MGAT5B: variants seen among roughly 807,000 people sequenced by gnomAD.
MGAT5B encodes alpha-1,6-mannosylglycoprotein 6-beta-N-acetylglucosaminyltransferase B.
Under a neutral mutation model 95.1 loss-of-function variants are expected in MGAT5B, and 54 were observed. That is an observed-to-expected ratio of 0.57 (90% CI 0.46 to 0.71). The LOEUF is 0.71. Ranked by LOEUF, MGAT5B falls within the 30% of genes least tolerant of loss-of-function variation. The pLI is 0.00. For synonymous variants in MGAT5B, 464 were observed against 451.0 expected, an observed-to-expected ratio of 1.03 and a Z score of -0.36; for missense variants, 935 against 1,088.6, an observed-to-expected ratio of 0.86 and a Z score of 1.99.
At chr17:76,882,711 T>C (rs1469393756) in intron 3 of MGAT5B, among the ~76,000 whole-genome samples, 25 of 134,992 alleles carry the variant, frequency 1.9e-4, no homozygotes, top group Non-Finnish European at 3.5e-4. Context: ...GCCCCTTTTT[T>C]TTTTTTTTTT....
At chr17:76,901,110 C>T (rs527494816) in intron 3 of MGAT5B, among the ~76,000 whole-genome samples, 1 of 152,310 alleles carries the variant, frequency 6.6e-6, no homozygotes, top group African/African-American at 2.4e-5. Flanking sequence ...GGCCACTGCC[C>T]TTTCTTTCCT....
chr17:76,933,311 T>C lies in MGAT5B; in HGVS notation c.1428+14T>C. On this transcript the variant is annotated intron_variant, in intron 12 of 17. Transcript: ENST00000569840. ...AGGCAGCTCCAGGTATGGAAACCGC[T>C]TGCCGCCTGCCCCCTCTACCCTCTG... is the stretch of plus-strand genomic sequence containing the variant. 6.3e-7 allele frequency: 1 copy of C among 1,598,268 alleles called. No individual in the cohort carries two copies. The highest frequency in any genetic ancestry group is 8.5e-7 in the Non-Finnish European group (1 of 1,179,726).
At chr17:76,882,728 T>TTG (rs1428309813) in intron 3 of MGAT5B, among the ~76,000 whole-genome samples, 2 of 132,700 alleles carry the variant, frequency 1.5e-5, no homozygotes, top group Non-Finnish European at 3.1e-5. Flanking sequence ...TTTTTTTTTT[T>TTG]GACACAGAGC....
intron 3 of MGAT5B, among the ~76,000 whole-genome samples, chr17:76,900,741 C>T (rs1968273932): frequency 1.3e-5 from 2 of 152,236 alleles, no homozygotes; most frequent in Admixed American, 1.3e-4. Flanking sequence ...GAAATTATTG[C>T]AGTCACCCCA....
Position 76,914,877 on chromosome 17 carries a change from T to A in MGAT5B, c.1025+8690T>A, listed in dbSNP as rs1047409898. 3.9e-5 allele frequency among the ~76,000 whole-genome samples: 6 copies of A among 152,100 alleles called. No homozygotes were observed. Among genetic ancestry groups the A allele is most frequent in the Admixed American group, 6.6e-5 (1 of 15,262 alleles). On this transcript the variant is annotated intron_variant, in intron 8 of 17. Coordinates refer to ENST00000569840, the MANE Select transcript of MGAT5B (RefSeq NM_001199172.2). The surrounding 1 kb of genome is among the most constrained non-coding windows in gnomAD (Gnocchi z 5.1). The stretch of plus-strand genomic sequence containing the variant: ...GGTCTCAAACTCCTGACCTCAGGTG[T>A]TCCACCCACCTCGGCCTCCCAAAGT...
chr17:76,920,419 G>C (rs183992963), intron 8 of MGAT5B, among the ~76,000 whole-genome samples: 3 of 152,206 alleles, frequency 2.0e-5, no homozygotes, highest in Non-Finnish European at 4.4e-5. Context: ...GTCGGGGGAC[G>C]GCATTTTCAA....
chr17:76,923,222 G>T (rs1033189496), intron 8 of MGAT5B, among the ~76,000 whole-genome samples: 2 of 152,194 alleles, frequency 1.3e-5, no homozygotes, highest in Admixed American at 1.3e-4. Context: ...ATGGTTTCAA[G>T]GAGCCCAGAC....
rs1193694130 is a variant in MGAT5B at position 76,938,666 on chromosome 17, C to T, written c.1584+523C>T. 6.6e-6 allele frequency among the ~76,000 whole-genome samples: 1 copy of T among 152,132 alleles called. No individual in the cohort carries two copies. The highest frequency in any genetic ancestry group is 1.5e-5 in the Non-Finnish European group (1 of 68,002). ...CTGAGGCTGGAGAGTCTCCAGCCAG[C>T]TTCTAGGCACCCCCTCACCCTCTTT... On this transcript the variant is annotated intron_variant, in intron 13 of 17. Transcript: ENST00000569840. The surrounding 1 kb of genome is among the most constrained non-coding windows in gnomAD (Gnocchi z 4.3).
rs908174436 is a variant in MGAT5B at position 76,870,214 on chromosome 17, A to G, written c.68+1117A>G. 7.2e-5 allele frequency among the ~76,000 whole-genome samples: 11 copies of G among 152,046 alleles called. No homozygotes were observed. Among genetic ancestry groups the G allele is most frequent in the Non-Finnish European group, 1.3e-4 (9 of 67,984 alleles). On this transcript the variant is annotated intron_variant, in intron 1 of 17. Coordinates refer to ENST00000569840, the MANE Select transcript of MGAT5B (RefSeq NM_001199172.2). This position sits in a 1 kb window ranked among gnomAD's most constrained non-coding sequence, Gnocchi z 5.0. The stretch of plus-strand genomic sequence containing the variant: ...GATGGGGGCGGGGAGACGGTGGCTC[A>G]CCTGGAGCCCGCCTCCCAGCACACC...
intron 8 of MGAT5B, among the ~76,000 whole-genome samples, chr17:76,922,532 G>A (rs1255281063): frequency 6.6e-6 from 1 of 152,230 alleles, no homozygotes; most frequent in Admixed American, 6.5e-5. Flanking sequence ...CTTGCAGAGT[G>A]AATGCAGAAT....
rs549731430 is a variant in MGAT5B at position 76,920,257 on chromosome 17, G to A, written c.1026-4709G>A. Among the ~76,000 whole-genome samples, 325 of 152,260 alleles carry A rather than the reference G, an allele frequency of 2.1e-3. 4 individuals are homozygous for A. Among genetic ancestry groups the A allele is most frequent in the Non-Finnish European group, 9.1e-4 (62 of 68,018 alleles). On this transcript the variant is annotated intron_variant, in intron 8 of 17. Coordinates refer to ENST00000569840, the MANE Select transcript of MGAT5B (RefSeq NM_001199172.2). ...TCCTATCTGTGGGGGCTGCTGAACCGTCCTCTTGACCCAGCCCTTGACTGA... is the reference window on the plus strand; with the variant it reads ...TCCTATCTGTGGGGGCTGCTGAACCATCCTCTTGACCCAGCCCTTGACTGA...
At chr17:76,879,938 G>A (rs1439512915) in intron 2 of MGAT5B, among the ~76,000 whole-genome samples, 1 of 152,222 alleles carries the variant, frequency 6.6e-6, no homozygotes, top group Non-Finnish European at 1.5e-5. Flanking sequence ...TTGAGTGTGT[G>A]AGTGCGTGGG....
Position 76,940,496 on chromosome 17 carries a change from C to T in MGAT5B, c.1679C>T (p.Pro560Leu). 6.2e-7 allele frequency: 1 copy of T among 1,613,874 alleles called. No homozygotes were observed. The highest frequency in any genetic ancestry group is 8.5e-7 in the Non-Finnish European group (1 of 1,179,874). The change falls in exon 14 of 18, where the codon CCC becomes CTC. Residue 560 changes from proline (P) to leucine (L), a missense_variant. By Grantham distance (98) the Pro-to-Leu change is moderately conservative. Around this residue, in one of 4 missense-constraint regions of MGAT5B, gnomAD observed 440 missense variants for 523.6 expected, o/e 0.84. Transcript: ENST00000569840. This position sits in a 1 kb window ranked among gnomAD's most constrained non-coding sequence, Gnocchi z 4.3. Reference protein sequence around the residue: ...CIFLQSRFSPPHSSLNHEFFR... With the variant: ...CIFLQSRFSPLHSSLNHEFFR... ...TTCCTGCAGTCCCGCTTCAGCCCGCCCCACAGCTCCCTCAACCACGAGTTC... is the reference window on the plus strand; with the variant it reads ...TTCCTGCAGTCCCGCTTCAGCCCGCTCCACAGCTCCCTCAACCACGAGTTC...
rs756421638 is a variant in MGAT5B at position 76,869,118 on chromosome 17, G to GT, written c.68+27dup. 8 of 1,612,396 alleles carry GT rather than the reference G, an allele frequency of 5.0e-6. No individual in the cohort carries two copies. The highest frequency in any genetic ancestry group is 2.7e-5 in the African/African-American group (2 of 75,030). On this transcript the variant is annotated intron_variant, in intron 1 of 17. Coordinates refer to ENST00000569840, the MANE Select transcript of MGAT5B (RefSeq NM_001199172.2). This position sits in a 1 kb window ranked among gnomAD's most constrained non-coding sequence, Gnocchi z 7.0. The stretch of plus-strand genomic sequence containing the variant: ...TTTCGGTAAAGTTCCCTCCTGGTTG[G>GT]TTTTTTCCCCAGGGGGGCGCCGGGT...
rs2145271262 is a variant in MGAT5B, at chr17:76,938,517, G to A, written c.1584+374G>A. On this transcript the variant is annotated intron_variant, in intron 13 of 17. Coordinates refer to ENST00000569840, the MANE Select transcript of MGAT5B (RefSeq NM_001199172.2). This position sits in a 1 kb window ranked among gnomAD's most constrained non-coding sequence, Gnocchi z 4.3. ...GGGTGGTTGGGTGGGTGGAGAGAAG[G>A]GTCCTGGCTAGAGTGCCATTGAGCC... Among the ~76,000 whole-genome samples, 1 of 152,310 alleles carries A rather than the reference G, an allele frequency of 6.6e-6. No individual in the cohort carries two copies. The highest frequency in any genetic ancestry group is 3.4e-3 in the Middle Eastern group (1 of 294).
chr17:76,926,264 G>A (rs1455018426), intron 9 of MGAT5B, among the ~76,000 whole-genome samples: 3 of 152,116 alleles, frequency 2.0e-5, no homozygotes, highest in Non-Finnish European at 4.4e-5. Context: ...CACCAGAGAG[G>A]GACCCCCTCT....
chr17:76,940,689 T>G lies in MGAT5B; in HGVS notation c.1732-43T>G. 1 of 1,605,804 alleles carries G rather than the reference T, an allele frequency of 6.2e-7. No homozygotes were observed. The highest frequency in any genetic ancestry group is 8.5e-7 in the Non-Finnish European group (1 of 1,173,128). ...GTACCTTTCTTTGTCCCTGTCCCAC[T>G]GGCAGGCACGGGGGGCATCTGCAAT... On this transcript the variant is annotated intron_variant, in intron 14 of 17. Coordinates refer to ENST00000569840, the MANE Select transcript of MGAT5B (RefSeq NM_001199172.2). The surrounding 1 kb of genome is among the most constrained non-coding windows in gnomAD (Gnocchi z 4.3).
At chr17:76,928,779 T>C (rs1218719468) in intron 10 of MGAT5B, among the ~76,000 whole-genome samples, 1 of 151,950 alleles carries the variant, frequency 6.6e-6, no homozygotes, top group Non-Finnish European at 1.5e-5. Flanking sequence ...AAGAGGAGCA[T>C]GGAGGATCAG....
chr17:76,900,189 G>T (rs1235665851), intron 3 of MGAT5B, among the ~76,000 whole-genome samples: 1 of 152,178 alleles, frequency 6.6e-6, no homozygotes, highest in Non-Finnish European at 1.5e-5. Context: ...TACTGGTAAT[G>T]AACCTTGATG....
Sources: gnomAD v4.1 joint callset for allele counts (sites outside exome capture counted in the v4.1 genomes callset) on GRCh38, gnomAD v4.1.1 for gene constraint, gnomAD v4.1.1 regional missense constraint, Gnocchi (gnomAD v3.1) non-coding constraint, MANE v1.5 for transcripts, NCBI Gene and HGNC (gene_info 2026-07-23, HGNC 2026-07-21) for gene names.